The following ODF2L variants were observed in gnomAD, a reference collection of about 807,000 sequenced individuals.
ODF2L encodes outer dense fiber of sperm tails 2 like.
A neutral mutation model predicts 86.3 loss-of-function variants in ODF2L; 76 were observed. The observed-to-expected ratio is 0.88, with a 90% confidence interval of 0.73 to 1.07. The LOEUF (loss-of-function observed/expected upper bound fraction) is 1.07, where lower values mean the gene tolerates loss of function less well. Ranked by LOEUF, ODF2L falls within the 50% of genes least tolerant of loss-of-function variation. The pLI is 0.00. For synonymous variants in ODF2L, 241 were observed against 231.3 expected (o/e 1.04, Z -0.38); for missense variants, 748 against 717.4 (o/e 1.04, Z -0.49).
At chr1:86,372,348 A>T (rs1448539629) in intron 9 of ODF2L, 83 bp downstream of exon 9, 2 of 619,612 alleles carry the variant, frequency 3.2e-6, no homozygotes, top group Non-Finnish European at 5.1e-6. Context: ...ATCTAAAAAA[A>T]ATCAAAATAC....
chr1:86,354,576 G>T, exon 16 of ODF2L: 1 of 1,608,680 alleles, frequency 6.2e-7, no homozygotes, highest in Non-Finnish European at 8.5e-7. Flanking sequence ...TCTGGCCAAT[G>T]CTGTATACTC....
At chr1:86,351,997 G>A in exon 18 of ODF2L, 1 of 1,288,916 alleles carries the variant, frequency 7.8e-7, no homozygotes, top group Non-Finnish European at 9.9e-7. Flanking sequence ...AAGTCAAATG[G>A]TGAGTTAAAA....
intron 1 of ODF2L, among the ~76,000 whole-genome samples, chr1:86,395,277 A>G (rs1487265268): frequency 6.6e-6 from 1 of 152,218 alleles, no homozygotes; most frequent in Non-Finnish European, 1.5e-5. Context: ...CCCCAACAGC[A>G]GCCCCAGTAT....
At chr1:86,373,628 G>A (rs1436608220) in intron 8 of ODF2L, among the ~76,000 whole-genome samples, 1 of 151,840 alleles carries the variant, frequency 6.6e-6, no homozygotes, top group Non-Finnish European at 1.5e-5. Context: ...TTAATTTCAT[G>A]CTCTATAGAG....
exon 18 of ODF2L, chr1:86,351,443 T>G (rs185599100): frequency 1.3e-5 from 2 of 152,114 alleles, no homozygotes; most frequent in Non-Finnish European, 2.9e-5. Flanking sequence ...TTCTGTTCCA[T>G]TGGTCTATAT....
At chr1:86,392,997 A>G (rs1661436796) in intron 1 of ODF2L, among the ~76,000 whole-genome samples, 1 of 152,192 alleles carries the variant, frequency 6.6e-6, no homozygotes, top group African/African-American at 2.4e-5. Context: ...TACATTCACT[A>G]AACTATGTTC....
rs1200867536 is a variant in ODF2L at position 86,379,626 on chromosome 1, G to T, written c.624+2616C>A. 3.9e-5 allele frequency among the ~76,000 whole-genome samples: 6 copies of T among 152,258 alleles called. No individual in the cohort carries two copies. The East Asian group carries it at 1.2e-3, about 29-fold the overall frequency. ...TTAAAGATATGATTATAATCTTTAA[G>T]AAGGCTATAGACGAGATAAACAGAT... On this transcript the variant is annotated intron_variant, in intron 7 of 17. Transcript: ENST00000317336.
exon 14 of ODF2L, chr1:86,356,448 C>T (rs780609408): frequency 6.3e-7 from 1 of 1,599,684 alleles, no homozygotes; most frequent in East Asian, 2.2e-5. Context: ...GGACACCTGG[C>T]CCTGAAGCTC....
chr1:86,384,138 T>C (rs1660771499), intron 4 of ODF2L, among the ~76,000 whole-genome samples: 1 of 151,798 alleles, frequency 6.6e-6, no homozygotes. Flanking sequence ...GTTTTTACAA[T>C]TCTGAAATAA....
chr1:86,351,867 T>A (rs1658161054), exon 18 of ODF2L: 3 of 1,039,564 alleles, frequency 2.9e-6, no homozygotes, highest in South Asian at 8.8e-5. Context: ...GTGAATGGGA[T>A]CTATTTATTT....
chr1:86,373,354 G>A (rs906679546), intron 8 of ODF2L, among the ~76,000 whole-genome samples: 1 of 145,268 alleles, frequency 6.9e-6, no homozygotes, highest in African/African-American at 2.6e-5. Flanking sequence ...ATGGTTCACT[G>A]CAGCCTCCAA....
intron 1 of ODF2L, among the ~76,000 whole-genome samples, chr1:86,393,292 A>G (rs908647397): frequency 6.6e-6 from 1 of 152,180 alleles, no homozygotes; most frequent in Non-Finnish European, 1.5e-5. Context: ...TGGCATATTC[A>G]GCAAGGAACA....
chr1:86,362,326 G>T (rs1479523844), intron 11 of ODF2L, among the ~76,000 whole-genome samples: 1 of 151,330 alleles, frequency 6.6e-6, no homozygotes, highest in East Asian at 1.9e-4. Context: ...TTGAAACAGG[G>T]TGTCAGGCCC....
chr1:86,378,893 A>G lies in ODF2L; in HGVS notation c.625-2475T>C, dbSNP rs189642804. ...TGTCCCTACCCAAATTTCATGTCAA[A>G]CTGTAACCCCCAGTGTTGGAGCTGG... On this transcript the variant is annotated intron_variant, in intron 7 of 17. Coordinates refer to ENST00000317336, the Ensembl canonical transcript of ODF2L. 2.0e-5 allele frequency among the ~76,000 whole-genome samples: 3 copies of G among 151,630 alleles called. No individual in the cohort carries two copies. The East Asian group carries it at 5.9e-4, about 30-fold the overall frequency.
At chr1:86,384,881 AT>A (rs1660834519) in intron 3 of ODF2L, 80 bp from the exon 4 acceptor site, 4 of 1,114,466 alleles carry the variant, frequency 3.6e-6, no homozygotes, top group East Asian at 6.3e-5. Flanking sequence ...ATCAAACAAT[AT>A]TTTTTCCTAC....
At chr1:86,354,914 G>A (rs748270311) in intron 14 of ODF2L, 55 bp from the exon 14 acceptor site, 21 of 942,502 alleles carry the variant, frequency 2.2e-5, no homozygotes, top group Non-Finnish European at 2.8e-5. Context: ...AACTTCCAAA[G>A]AAATCCATAT....
rs1049343451 is a variant in ODF2L at position 86,380,854 on chromosome 1, G to A, written c.624+1388C>T. On this transcript the variant is annotated intron_variant, in intron 7 of 17. Coordinates refer to ENST00000317336, the Ensembl canonical transcript of ODF2L. ...AAGGCATCTGTGGGATGTTCCCAGA[G>A]GTTTATAATGTAAATTTTTAAAAGA... Among the ~76,000 whole-genome samples, 7 of 151,704 alleles carry A rather than the reference G, an allele frequency of 4.6e-5. 1 individual carries two copies. The highest frequency in any genetic ancestry group is 3.9e-4 in the Admixed American group (6 of 15,218).
At chr1:86,350,026 AATGTTTAAATCT>A (rs2100665417), downstream of ODF2L, 1 of 415,224 alleles carries the variant, frequency 2.4e-6, no homozygotes, top group South Asian at 1.0e-4. Context: ...ATTTTTCAGC[AATGTTTAAATCT>A]ATGCTTAGAA....
At chr1:86,363,301 C>T (rs1000847604) in intron 11 of ODF2L, among the ~76,000 whole-genome samples, 3 of 152,116 alleles carry the variant, frequency 2.0e-5, no homozygotes, top group African/African-American at 7.2e-5. Context: ...AGATGTCAAT[C>T]AGGCAGCAGA....
Sources: allele counts gnomAD v4.1 joint callset (sites outside exome capture counted in the v4.1 genomes callset), GRCh38; gene constraint gnomAD v4.1.1; transcripts MANE v1.5; gene names NCBI Gene and HGNC (gene_info 2026-07-23, HGNC 2026-07-21).